The following NCOR2 variants were observed in gnomAD, a reference collection of about 807,000 sequenced individuals.
The protein encoded by NCOR2 is CTG repeat protein 26.
NCOR2 carries 81 observed loss-of-function variants against 262.9 expected under a neutral mutation model. The observed-to-expected ratio is 0.31, with a 90% CI of 0.26 to 0.37. The LOEUF is 0.37. Ranked by LOEUF, NCOR2 falls within the 10% of genes least tolerant of loss-of-function variation. The probability of loss-of-function intolerance (pLI) is 1.00; values close to 1 mark genes in which losing one functional copy is unlikely to be tolerated. For synonymous variants in NCOR2, 1,659 were observed against 1,559.3 expected (o/e 1.06, Z -1.51); for missense variants, 3,385 against 3,621.4 (o/e 0.93, Z 1.68).
chr12:124,483,479 C>A lies in NCOR2; in HGVS notation c.411+117G>T. The A allele has an allele frequency of 8.4e-7, 1 of 1,194,862 alleles. No homozygotes were observed. The allele number at this position is 1,194,862 out of a possible 1,614,324, so 74.0% of individuals were successfully genotyped here. A position where few individuals can be genotyped will look rare whatever the true frequency, so the allele number is the denominator to read the frequency against. On this transcript the variant is annotated intron_variant, in intron 3 of 46. Coordinates refer to ENST00000405201, the Ensembl canonical transcript of NCOR2. This position sits in a 1 kb window ranked among gnomAD's most constrained non-coding sequence, Gnocchi z 6.3. ...GTGCACCCGGTGCTTGGCCCACCTC[C>A]AAGCCTTTGCCCGAGCTGCCCCCTC...
intron 13 of NCOR2, among the ~76,000 whole-genome samples, chr12:124,407,643 G>A (rs1037321920): frequency 6.6e-6 from 1 of 152,218 alleles, no homozygotes; most frequent in African/African-American, 2.4e-5. Flanking sequence ...CAGTGAGAAG[G>A]TGCTGCGACC....
intron 13 of NCOR2, among the ~76,000 whole-genome samples, chr12:124,412,711 C>T (rs1430515434): frequency 6.6e-6 from 1 of 152,244 alleles, no homozygotes; most frequent in Non-Finnish European, 1.5e-5. Flanking sequence ...AGGGGCTGAC[C>T]CCCAGCACCG....
chr12:124,405,292 C>T (rs1178168210), intron 13 of NCOR2, among the ~76,000 whole-genome samples: 1 of 152,222 alleles, frequency 6.6e-6, no homozygotes, highest in African/African-American at 2.4e-5. Flanking sequence ...ACTGAGGCAC[C>T]GAGTGCAATC....
chr12:124,567,030 A>G (rs575553736), intron 1 of NCOR2, among the ~76,000 whole-genome samples: 56 of 151,720 alleles, frequency 3.7e-4, no homozygotes, highest in Non-Finnish European at 7.5e-4. Context: ...GTGCATTTCC[A>G]GCGCGCCCCC....
At chr12:124,374,293 G>T in intron 19 of NCOR2, 120 bp downstream of exon 21, 1 of 1,010,114 alleles carries the variant, frequency 9.9e-7, no homozygotes, top group Non-Finnish European at 1.5e-6. Flanking sequence ...GAGCACAAAC[G>T]GTGGCGCTCA....
At chr12:124,410,714 C>T (rs543748327) in intron 13 of NCOR2, among the ~76,000 whole-genome samples, 1 of 152,336 alleles carries the variant, frequency 6.6e-6, no homozygotes, top group East Asian at 1.9e-4. Context: ...GTGACTTCAG[C>T]ACCTAGGGCA....
At chr12:124,346,996 G>A (rs2135861691) in intron 30 of NCOR2, 146 bp from the exon 33 acceptor site, 4 of 956,230 alleles carry the variant, frequency 4.2e-6, no homozygotes, top group South Asian at 4.2e-5. Context: ...GACCTCTCTG[G>A]GCCTCAGCTT....
chr12:124,476,129 C>A (rs2136722806), intron 3 of NCOR2, among the ~76,000 whole-genome samples: 1 of 152,324 alleles, frequency 6.6e-6, no homozygotes, highest in South Asian at 2.1e-4. Flanking sequence ...TCTGACCCCA[C>A]CCACAGCAAA....
intron 5 of NCOR2, among the ~76,000 whole-genome samples, chr12:124,463,615 G>C (rs942028837): frequency 1.3e-5 from 2 of 152,268 alleles, no homozygotes; most frequent in Non-Finnish European, 2.9e-5. Flanking sequence ...CGGCAGGGAA[G>C]CTGCGTTTTC....
intron 6 of NCOR2, 120 bp downstream of exon 8, chr12:124,456,986 C>T (rs911934953): frequency 3.1e-6 from 3 of 977,400 alleles, no homozygotes; most frequent in African/African-American, 1.7e-5. Flanking sequence ...CCGCGGACGC[C>T]GCCTGGGCAG....
At chr12:124,333,070 C>T in intron 42 of NCOR2, 60 bp downstream of exon 44, 5 of 1,526,954 alleles carry the variant, frequency 3.3e-6, no homozygotes, top group Non-Finnish European at 4.4e-6. Flanking sequence ...GGACTGGGGC[C>T]AAGGATGGGC....
At chr12:124,417,872 C>T (rs1328036554) in intron 13 of NCOR2, among the ~76,000 whole-genome samples, 1 of 152,030 alleles carries the variant, frequency 6.6e-6, no homozygotes, top group Non-Finnish European at 1.5e-5. Context: ...CCAGCCTGGG[C>T]AACATAGTGA....
intron 1 of NCOR2, among the ~76,000 whole-genome samples, chr12:124,525,943 G>T (rs538183069): frequency 6.6e-6 from 1 of 152,334 alleles, no homozygotes; most frequent in African/African-American, 2.4e-5. Context: ...TATGTATGGG[G>T]TGCACGTTAG....
intron 1 of NCOR2, among the ~76,000 whole-genome samples, chr12:124,535,022 T>C (rs1226799982): frequency 6.6e-6 from 1 of 152,180 alleles, no homozygotes; most frequent in African/African-American, 2.4e-5. Flanking sequence ...GAAACAGAGA[T>C]ACAGAGAGAT....
At chr12:124,520,183 C>A (rs1356779959) in intron 1 of NCOR2, among the ~76,000 whole-genome samples, 1 of 152,180 alleles carries the variant, frequency 6.6e-6, no homozygotes, top group African/African-American at 2.4e-5. Context: ...CGTAGACCTG[C>A]CCCAAAGCCA....
chr12:124,372,678 C>A (rs1358923293), intron 19 of NCOR2, 68 bp from the exon 22 acceptor site: 3 of 1,421,818 alleles, frequency 2.1e-6, no homozygotes, highest in Non-Finnish European at 2.9e-6. Context: ...GATGCATGGC[C>A]CTGACCCTCC....
chr12:124,337,565 G>A (rs1365489018), intron 37 of NCOR2, among the ~76,000 whole-genome samples: 1 of 152,212 alleles, frequency 6.6e-6, no homozygotes, highest in Non-Finnish European at 1.5e-5. Flanking sequence ...AGTCAATGAG[G>A]TACCAGGAGA....
intron 27 of NCOR2, among the ~76,000 whole-genome samples, chr12:124,351,567 C>T (rs1190341690): frequency 4.6e-5 from 7 of 152,094 alleles, no homozygotes; most frequent in East Asian, 3.9e-4. Flanking sequence ...ATGAGCTTCC[C>T]GTTGGAGGAT....
chr12:124,556,453 C>T (rs1163160142), intron 1 of NCOR2: 1 of 152,304 alleles, frequency 6.6e-6, no homozygotes, highest in Non-Finnish European at 1.5e-5. Context: ...CGTCCATTCT[C>T]GCAGGGATGA....
Sources: allele counts gnomAD v4.1 joint callset (sites outside exome capture counted in the v4.1 genomes callset), GRCh38; gene constraint gnomAD v4.1.1; non-coding constraint Gnocchi (gnomAD v3.1); transcripts MANE v1.5; gene names NCBI Gene and HGNC (gene_info 2026-07-23, HGNC 2026-07-21).